NCAM2: variants seen among roughly 807,000 people sequenced by gnomAD.
The protein encoded by NCAM2 is N-CAM-2.
NCAM2 carries 30 observed loss-of-function variants against 98.1 expected under a neutral mutation model. The ratio of observed to expected loss-of-function variants is 0.31; its 90% CI spans 0.23 to 0.41. The LOEUF (loss-of-function observed/expected upper bound fraction) is 0.41, where lower values mean the gene tolerates loss of function less well. Among genes scored for constraint, NCAM2 ranks in the 10% least tolerant of loss-of-function variants. The probability of loss-of-function intolerance (pLI) is 1.00; values close to 1 mark genes in which losing one functional copy is unlikely to be tolerated. For synonymous variants in NCAM2, 368 were observed against 342.4 expected, an observed-to-expected ratio of 1.07 and a Z score of -0.83; for missense variants, 867 against 1,005.8, an observed-to-expected ratio of 0.86 and a Z score of 1.87.
At chr21:21,179,083 A>G (rs1430007832) in intron 1 of NCAM2, among the ~76,000 whole-genome samples, 1 of 152,146 alleles carries the variant, frequency 6.6e-6, no homozygotes, top group Non-Finnish European at 1.5e-5. Flanking sequence ...ACTTTTATGC[A>G]AGAGTTTCAC....
chr21:21,335,031 A>G (rs2074821728), intron 6 of NCAM2, among the ~76,000 whole-genome samples: 2 of 152,098 alleles, frequency 1.3e-5, no homozygotes, highest in Non-Finnish European at 2.9e-5. Flanking sequence ...TGCAATATAC[A>G]TTTATGATAT....
chr21:21,190,176 G>A (rs944992280), intron 1 of NCAM2, among the ~76,000 whole-genome samples: 3 of 152,194 alleles, frequency 2.0e-5, no homozygotes, highest in African/African-American at 7.2e-5. Context: ...AGGCAGAAGT[G>A]GGGGAGAAAC....
At chr21:21,292,472 A>G (rs1187111737) in intron 5 of NCAM2, among the ~76,000 whole-genome samples, 1 of 151,880 alleles carries the variant, frequency 6.6e-6, no homozygotes, top group East Asian at 1.9e-4. Context: ...CAAATAGGCT[A>G]TATGTGAGTA....
At chr21:21,334,778 A>C (rs1240528985) in intron 6 of NCAM2, among the ~76,000 whole-genome samples, 1 of 152,130 alleles carries the variant, frequency 6.6e-6, no homozygotes. Context: ...TATAGTAAAA[A>C]ATGTTTGAAA....
At chr21:21,217,364 A>G (rs568536606) in intron 1 of NCAM2, among the ~76,000 whole-genome samples, 5 of 152,324 alleles carry the variant, frequency 3.3e-5, no homozygotes, top group South Asian at 4.1e-4. Flanking sequence ...GCCTAGAAAC[A>G]TAGAATAAAG....
chr21:21,438,315 A>G (rs1186484921), intron 12 of NCAM2, among the ~76,000 whole-genome samples: 1 of 152,112 alleles, frequency 6.6e-6, no homozygotes, highest in Admixed American at 6.5e-5. Context: ...TAGCATAAAT[A>G]CTGTCCTGTT....
chr21:21,144,489 A>G (rs1270663899), intron 1 of NCAM2, among the ~76,000 whole-genome samples: 4 of 152,222 alleles, frequency 2.6e-5, no homozygotes, highest in East Asian at 1.9e-4. Flanking sequence ...GAGAAAGCCA[A>G]TGAAATTCAG....
chr21:21,107,238 T>C (rs1238158709), intron 1 of NCAM2, among the ~76,000 whole-genome samples: 1 of 152,126 alleles, frequency 6.6e-6, no homozygotes, highest in Non-Finnish European at 1.5e-5. Context: ...CTTTGATTAA[T>C]GGTTTTCACT....
intron 1 of NCAM2, among the ~76,000 whole-genome samples, chr21:21,040,658 A>G (rs1165413023): frequency 6.6e-6 from 1 of 152,166 alleles, no homozygotes; most frequent in Non-Finnish European, 1.5e-5. Flanking sequence ...GGAGGATATT[A>G]TGTTAAGTAA....
At chr21:21,294,337 T>C (rs1423838780) in intron 5 of NCAM2, among the ~76,000 whole-genome samples, 1 of 151,900 alleles carries the variant, frequency 6.6e-6, no homozygotes, top group Non-Finnish European at 1.5e-5. Flanking sequence ...TTTATATTTC[T>C]ATACTTATTT....
intron 1 of NCAM2, among the ~76,000 whole-genome samples, chr21:21,130,366 G>T (rs2146609278): frequency 6.6e-6 from 1 of 152,124 alleles, no homozygotes; most frequent in Non-Finnish European, 1.5e-5. Flanking sequence ...ATATTTAGTG[G>T]AACATTTCTT....
chr21:21,343,358 T>TACACACACACACACAC lies in NCAM2; in HGVS notation c.1044+4846_1044+4861dup, dbSNP rs71195322. Among the ~76,000 whole-genome samples the TACACACACACACACAC allele has an allele frequency of 1.2e-3, 144 of 120,856 alleles. 1 individual carries two copies. The highest frequency in any genetic ancestry group is 4.1e-3 in the African/African-American group (140 of 33,802). 79.3% of individuals were successfully genotyped at this position (120,856 alleles called of 152,430 possible). A position where few individuals can be genotyped will look rare whatever the true frequency, so the allele number is the denominator to read the frequency against. ...CCAAGTTAACAACTATCTATACACA[T>TACACACACACACACAC]ACACACACACACACACACACACACA... is the stretch of plus-strand genomic sequence containing the variant. On this transcript the variant is annotated intron_variant, in intron 8 of 17. Coordinates refer to ENST00000400546, the MANE Select transcript of NCAM2 (RefSeq NM_004540.5).
intron 1 of NCAM2, among the ~76,000 whole-genome samples, chr21:21,215,856 A>G (rs59884792): frequency 0.032 from 4,805 of 152,280 alleles, 201 homozygotes; most frequent in East Asian, 0.16. Flanking sequence ...AAAAGAAACA[A>G]TATTGTTTAG....
intron 12 of NCAM2, among the ~76,000 whole-genome samples, chr21:21,445,301 A>C (rs1194862333): frequency 2.0e-5 from 3 of 152,216 alleles, no homozygotes; most frequent in Non-Finnish European, 2.9e-5. Flanking sequence ...GAGAAGAATG[A>C]ATATTATGAT....
At chr21:21,362,909 T>C (rs1363941978) in intron 8 of NCAM2, among the ~76,000 whole-genome samples, 1 of 152,134 alleles carries the variant, frequency 6.6e-6, no homozygotes, top group Non-Finnish European at 1.5e-5. Flanking sequence ...AAATGAAAAG[T>C]CAATGTACAT....
At chr21:21,104,436 A>G (rs2066304796) in intron 1 of NCAM2, among the ~76,000 whole-genome samples, 1 of 152,182 alleles carries the variant, frequency 6.6e-6, no homozygotes, top group South Asian at 2.1e-4. Flanking sequence ...TAACACATCG[A>G]TAACTTCTAC....
intron 11 of NCAM2, among the ~76,000 whole-genome samples, chr21:21,418,812 G>A (rs1006529579): frequency 1.3e-5 from 2 of 152,124 alleles, no homozygotes; most frequent in African/African-American, 4.8e-5. Flanking sequence ...CTGTTCAGTG[G>A]TACGGTAGGG....
chr21:21,528,850 T>TG (rs141801965), intron 16 of NCAM2, among the ~76,000 whole-genome samples: 7,511 of 152,128 alleles, frequency 0.049, 195 homozygotes, highest in Middle Eastern at 0.061. Context: ...TCATAGATGT[T>TG]GGGGAAAAGT....
intron 14 of NCAM2, among the ~76,000 whole-genome samples, chr21:21,470,538 T>C: frequency 6.6e-6 from 1 of 152,006 alleles, no homozygotes; most frequent in East Asian, 1.9e-4. Flanking sequence ...AGAACAAATT[T>C]TGTCTCCAGT....
Sources: gnomAD v4.1 joint callset for allele counts (sites outside exome capture counted in the v4.1 genomes callset) on GRCh38, gnomAD v4.1.1 for gene constraint, MANE v1.5 for transcripts, NCBI Gene and HGNC (gene_info 2026-07-23, HGNC 2026-07-21) for gene names.